Variants in DRC1 observed in about 807,000 individuals in gnomAD.
DRC1 encodes dynein regulatory complex subunit 1.
In DRC1, 74 loss-of-function variants were observed where a neutral mutation model predicts 98.7. That is an observed-to-expected ratio of 0.75 (90% CI 0.62 to 0.91). The LOEUF (loss-of-function observed/expected upper bound fraction) is 0.91, where lower values mean the gene tolerates loss of function less well. Among genes scored for constraint, DRC1 ranks in the 40% least tolerant of loss-of-function variants. The pLI, the probability that DRC1 is intolerant of heterozygous loss-of-function variation, is 0.00. For synonymous variants in DRC1, 336 were observed against 334.1 expected (o/e 1.01, Z -0.06); for missense variants, 875 against 886.0 (o/e 0.99, Z 0.16).
Position 26,454,172 on chromosome 2 carries a change from G to A in DRC1, c.1920-475G>A, listed in dbSNP as rs78151616. ...AGCCAGAAAAGGATTTGAAGCAGCC[G>A]AAGAGCCATGATTAGCCTTGCGTTT... On this transcript the variant is annotated intron_variant, in intron 14 of 16. Transcript: ENST00000288710. This position sits in a 1 kb window ranked among gnomAD's most constrained non-coding sequence, Gnocchi z 5.2. Among the ~76,000 whole-genome samples the A allele has an allele frequency of 0.024, 3,580 of 152,242 alleles. 136 individuals carry two copies. Among genetic ancestry groups the A allele is most frequent in the African/African-American group, 0.08 (3,305 of 41,508 alleles).
At position 26,453,549 on chromosome 2, in the gene DRC1, G is replaced by A. The variant is rs1428226382; in HGVS notation, c.1919G>A (p.Arg640Lys). The A allele has an allele frequency of 6.2e-7, 1 of 1,612,676 alleles. No homozygotes were observed. The highest frequency in any genetic ancestry group is 2.2e-5 in the East Asian group (1 of 44,878). The part of the protein sequence containing the change: ...EAFVMGLKKP[R>K]DSRAPLRVQK... ...TTCGTCATGGGTCTGAAGAAGCCTA[G>A]GTGGGCTGCGGGGCTGGAAGGCTTG... Residue 640 changes from arginine (R) to lysine (K), a missense_variant and splice_region_variant, in exon 14 of 17, where the codon AGG (arginine) becomes AAG (lysine). Transcript: ENST00000288710.
intron 13 of DRC1, 129 bp downstream of exon 13, chr2:26,450,810 C>A: frequency 1.5e-6 from 1 of 684,598 alleles, no homozygotes; most frequent in Non-Finnish European, 2.1e-6. Context: ...TACATGTGCT[C>A]TGGTGGTTTG....
At chr2:26,442,283 C>T (rs74540453) in intron 8 of DRC1, among the ~76,000 whole-genome samples, 2,204 of 152,272 alleles carry the variant, frequency 0.014, 50 homozygotes, top group African/African-American at 0.048. Context: ...GGAGGAGTTA[C>T]ATTCAAGCCG....
intron 8 of DRC1, among the ~76,000 whole-genome samples, chr2:26,444,012 A>G (rs1663785912): frequency 6.6e-6 from 1 of 152,096 alleles, no homozygotes; most frequent in Non-Finnish European, 1.5e-5. Context: ...ATTGTTTTCA[A>G]TGCGTTTCGT....
At chr2:26,455,608 A>G (rs1409752145) in intron 16 of DRC1, among the ~76,000 whole-genome samples, 1 of 152,202 alleles carries the variant, frequency 6.6e-6, no homozygotes, top group African/African-American at 2.4e-5. Context: ...CAGGGCGGAA[A>G]CAATGCTCCT....
At chr2:26,417,119 A>G (rs1397137571) in intron 2 of DRC1, among the ~76,000 whole-genome samples, 1 of 152,114 alleles carries the variant, frequency 6.6e-6, no homozygotes, top group Non-Finnish European at 1.5e-5. Flanking sequence ...ATCATTTCCC[A>G]CCAGGCTCCA....
At chr2:26,449,017 G>A (rs1663932853) in intron 11 of DRC1, among the ~76,000 whole-genome samples, 1 of 152,266 alleles carries the variant, frequency 6.6e-6, no homozygotes, top group African/African-American at 2.4e-5. Context: ...GCTGGAAAAT[G>A]GGTCTAACCT....
intron 6 of DRC1, among the ~76,000 whole-genome samples, chr2:26,431,599 G>A (rs922048394): frequency 2.2e-4 from 33 of 151,830 alleles, no homozygotes; most frequent in African/African-American, 3.6e-4. Flanking sequence ...GGGTCTGTGC[G>A]TAATTTCTTT....
chr2:26,402,024 C>T lies in DRC1; in HGVS notation c.35C>T (p.Pro12Leu). The change falls in exon 1 of 17, where the codon CCG (proline) becomes CTG (leucine). Residue 12 changes from proline (P) to leucine (L), a missense_variant. Coordinates refer to ENST00000288710, the MANE Select transcript of DRC1 (RefSeq NM_145038.5). ...NPPGSLEALD[P>L]NVDEHLSTQI... ...CCGGGGTCCCTAGAGGCCCTGGACC[C>T]GAACGTGGACGAGCACTTGTCCACC... 1.2e-6 allele frequency: 2 copies of T among 1,611,988 alleles called. No homozygotes were observed. Among genetic ancestry groups the T allele is most frequent in the Non-Finnish European group, 8.5e-7 (1 of 1,179,286 alleles).
At chr2:26,430,978 TGAGATGGAA>T (rs1663421846) in intron 6 of DRC1, 106 bp downstream of exon 6, 1 of 979,484 alleles carries the variant, frequency 1.0e-6, no homozygotes, top group South Asian at 1.8e-5. Flanking sequence ...TTTTTTTTTT[TGAGATGGAA>T]TCTTGCTTCT....
chr2:26,443,844 T>C (rs1663781842), intron 8 of DRC1, among the ~76,000 whole-genome samples: 1 of 152,200 alleles, frequency 6.6e-6, no homozygotes, highest in African/African-American at 2.4e-5. Context: ...GAATTAAACA[T>C]CCAAGTCATG....
chr2:26,413,003 C>G (rs574048327), intron 1 of DRC1, among the ~76,000 whole-genome samples: 1 of 152,160 alleles, frequency 6.6e-6, no homozygotes, highest in Non-Finnish European at 1.5e-5. Context: ...AGGGTAGTCT[C>G]GATCTCCTGA....
chr2:26,448,447 G>A (rs1426724096), intron 10 of DRC1: 7 of 652,378 alleles, frequency 1.1e-5, no homozygotes, highest in Admixed American at 2.1e-5. Flanking sequence ...TGGAAAAGTA[G>A]GGCATTACAG....
At chr2:26,431,144 C>T (rs541883509) in intron 6 of DRC1, among the ~76,000 whole-genome samples, 2 of 151,938 alleles carry the variant, frequency 1.3e-5, no homozygotes, top group South Asian at 2.1e-4. Flanking sequence ...TTAGTAGAGA[C>T]GGGGTTTCAC....
intron 9 of DRC1, 43 bp downstream of exon 9, chr2:26,444,399 A>G: frequency 6.3e-7 from 1 of 1,595,036 alleles, no homozygotes; most frequent in Middle Eastern, 1.7e-4. Flanking sequence ...CCTAGCATAG[A>G]GGTGACGGGG....
chr2:26,410,766 C>G (rs954491908), intron 1 of DRC1, among the ~76,000 whole-genome samples: 2 of 151,904 alleles, frequency 1.3e-5, no homozygotes, highest in African/African-American at 4.8e-5. Context: ...TGAGAAAGTT[C>G]AGAACACTGA....
At chr2:26,426,751 A>C (rs1663295667) in intron 4 of DRC1, among the ~76,000 whole-genome samples, 1 of 152,138 alleles carries the variant, frequency 6.6e-6, no homozygotes. Context: ...GAGTCTCTTG[A>C]GATTCTGAAT....
intron 2 of DRC1, among the ~76,000 whole-genome samples, chr2:26,417,904 T>C (rs958265604): frequency 1.3e-5 from 2 of 151,998 alleles, no homozygotes; most frequent in Non-Finnish European, 2.9e-5. Context: ...CTTTTGAATA[T>C]TTTTTTACGT....
At chr2:26,429,802 G>A (rs778391115) in intron 5 of DRC1, 37 bp downstream of exon 5, 1 of 1,610,190 alleles carries the variant, frequency 6.2e-7, no homozygotes, top group South Asian at 1.1e-5. Flanking sequence ...TCTGCTCTTG[G>A]AGGGCCCCTG....
Sources: allele counts gnomAD v4.1 joint callset (sites outside exome capture counted in the v4.1 genomes callset), GRCh38; gene constraint gnomAD v4.1.1; non-coding constraint Gnocchi (gnomAD v3.1); transcripts MANE v1.5; gene names NCBI Gene and HGNC (gene_info 2026-07-23, HGNC 2026-07-21).